Variants in FOXP2 observed in about 807,000 individuals in gnomAD.
FOXP2 encodes forkhead box protein P2.
FOXP2 carries 12 observed loss-of-function variants against 115.8 expected under a neutral mutation model. The ratio of observed to expected loss-of-function variants is 0.10; its 90% CI spans 0.07 to 0.17. The LOEUF (loss-of-function observed/expected upper bound fraction) is 0.17, where lower values mean the gene tolerates loss of function less well. Ranked by LOEUF, FOXP2 falls within the 10% of genes least tolerant of loss-of-function variation. The probability of loss-of-function intolerance (pLI) is 1.00; values close to 1 mark genes in which losing one functional copy is unlikely to be tolerated. For synonymous variants in FOXP2, 328 were observed against 297.7 expected (o/e 1.10, Z -1.05); for missense variants, 629 against 843.5 (o/e 0.75, Z 3.15).
At chr7:114,617,962 C>A (rs1178676831) in intron 3 of FOXP2, among the ~76,000 whole-genome samples, 1 of 152,190 alleles carries the variant, frequency 6.6e-6, no homozygotes, top group Non-Finnish European at 1.5e-5. Flanking sequence ...CTGCTTTCAC[C>A]TAGAAAAGGC....
At chr7:114,497,885 A>G (rs1989903) in intron 2 of FOXP2, among the ~76,000 whole-genome samples, 96,604 of 151,690 alleles carry the variant, frequency 0.64, 31,872 homozygotes, top group African/African-American at 0.81. Flanking sequence ...AATAAGATGG[A>G]GACAATATTA....
chr7:114,529,730 CTGAT>C (rs1349008103), intron 2 of FOXP2, among the ~76,000 whole-genome samples: 2 of 151,712 alleles, frequency 1.3e-5, no homozygotes, highest in East Asian at 1.9e-4. Flanking sequence ...TAATTTCACT[CTGAT>C]AGATTGCTAT....
At chr7:114,317,233 C>G (rs1390594374) in intron 2 of FOXP2, among the ~76,000 whole-genome samples, 1 of 152,122 alleles carries the variant, frequency 6.6e-6, no homozygotes, top group African/African-American at 2.4e-5. Flanking sequence ...CAATGTATCA[C>G]CTGTTGAGAG....
At chr7:114,612,165 T>C (rs1304406040) in intron 3 of FOXP2, among the ~76,000 whole-genome samples, 1 of 152,034 alleles carries the variant, frequency 6.6e-6, no homozygotes, top group Non-Finnish European at 1.5e-5. Flanking sequence ...ACTGGCCCCT[T>C]AGGAACTGAG....
At chr7:114,173,025 A>G (rs892233432) in intron 1 of FOXP2, among the ~76,000 whole-genome samples, 1 of 151,970 alleles carries the variant, frequency 6.6e-6, no homozygotes, top group African/African-American at 2.4e-5. Flanking sequence ...TTTAATATAG[A>G]TGTTTCAGTT....
chr7:114,664,146 AC>A, intron 15 of FOXP2, 126 bp from the exon 16 acceptor site: 2 of 1,098,794 alleles, frequency 1.8e-6, no homozygotes, highest in South Asian at 2.9e-5. Context: ...TTTTTTCAAT[AC>A]ATTTTCTTTT....
intron 3 of FOXP2, among the ~76,000 whole-genome samples, chr7:114,562,585 G>T (rs1254753369): frequency 6.6e-6 from 1 of 152,172 alleles, no homozygotes; most frequent in South Asian, 2.1e-4. Context: ...CTCTTCCTGT[G>T]CATGATACCT....
chr7:114,483,314 G>C (rs1796636205), intron 2 of FOXP2, among the ~76,000 whole-genome samples: 1 of 151,406 alleles, frequency 6.6e-6, no homozygotes, highest in South Asian at 2.1e-4. Flanking sequence ...ATGCTTCCAA[G>C]GTTTTTCCTT....
intron 2 of FOXP2, among the ~76,000 whole-genome samples, chr7:114,376,024 A>C (rs558054263): frequency 6.6e-6 from 1 of 152,290 alleles, no homozygotes; most frequent in South Asian, 2.1e-4. Context: ...AGAGGTCTTC[A>C]GTTGGCCTAG....
chr7:114,172,797 G>C (rs188683509), intron 1 of FOXP2, among the ~76,000 whole-genome samples: 3 of 152,192 alleles, frequency 2.0e-5, no homozygotes, highest in Middle Eastern at 3.4e-3. Context: ...ATGATTCTAA[G>C]TAGAATTCTG....
intron 2 of FOXP2, among the ~76,000 whole-genome samples, chr7:114,527,450 C>G (rs1798934141): frequency 6.6e-6 from 1 of 151,982 alleles, no homozygotes; most frequent in African/African-American, 2.4e-5. Context: ...CATCTCCTTT[C>G]AAGAAAGTAT....
At chr7:114,662,223 A>G in intron 14 of FOXP2, 37 bp downstream of exon 14, 1 of 1,610,534 alleles carries the variant, frequency 6.2e-7, no homozygotes, top group Non-Finnish European at 8.5e-7. Context: ...TGTATCCTGC[A>G]TCCACCAGGA....
chr7:114,609,129 C>T (rs867503209), intron 3 of FOXP2, among the ~76,000 whole-genome samples: 1 of 151,660 alleles, frequency 6.6e-6, no homozygotes, highest in South Asian at 2.1e-4. Flanking sequence ...AAGAGAATCG[C>T]TTGAACCCAG....
chr7:114,460,411 CTGTGTT>C (rs1367684004), intron 2 of FOXP2, among the ~76,000 whole-genome samples: 1 of 152,156 alleles, frequency 6.6e-6, no homozygotes, highest in Non-Finnish European at 1.5e-5. Context: ...TCCCAAACTT[CTGTGTT>C]TTAAAGTAAA....
chr7:114,601,124 A>G (rs537071104), intron 3 of FOXP2, among the ~76,000 whole-genome samples: 34 of 152,092 alleles, frequency 2.2e-4, no homozygotes, highest in African/African-American at 7.9e-4. Flanking sequence ...CACCAGCACA[A>G]CCAGCTAATT....
chr7:114,664,754 A>G (rs1807074966), intron 16 of FOXP2: 8 of 364,572 alleles, frequency 2.2e-5, no homozygotes, highest in South Asian at 1.8e-4. Context: ...GTTGGTTTGT[A>G]TGGTGCAATA....
At chr7:114,223,249 A>G (rs1794666120) in intron 1 of FOXP2, among the ~76,000 whole-genome samples, 1 of 152,014 alleles carries the variant, frequency 6.6e-6, no homozygotes, top group African/African-American at 2.4e-5. Flanking sequence ...GTTGCTGCAC[A>G]TGCTCATAAA....
intron 1 of FOXP2, among the ~76,000 whole-genome samples, chr7:114,097,181 A>G (rs1207686754): frequency 6.6e-6 from 1 of 152,190 alleles, no homozygotes; most frequent in Non-Finnish European, 1.5e-5. Context: ...TTTAGTGTAC[A>G]GTTCTTTATT....
At chr7:114,647,901 C>T (rs1363026547) in intron 8 of FOXP2, among the ~76,000 whole-genome samples, 7 of 151,922 alleles carry the variant, frequency 4.6e-5, no homozygotes, top group African/African-American at 1.7e-4. Context: ...ACACACAAAA[C>T]ATGGTCTGAG....
Sources: gnomAD v4.1 joint callset for allele counts (sites outside exome capture counted in the v4.1 genomes callset) on GRCh38, gnomAD v4.1.1 for gene constraint, MANE v1.5 for transcripts, NCBI Gene and HGNC (gene_info 2026-07-23, HGNC 2026-07-21) for gene names.